The following RAB38 variants were observed in gnomAD, a reference collection of about 807,000 sequenced individuals.
RAB38 encodes ras-related protein Rab-38.
Under a neutral mutation model 18.4 loss-of-function variants are expected in RAB38, and 15 were observed. The observed-to-expected ratio is 0.82, with a 90% CI of 0.55 to 1.26. The LOEUF is 1.26. Among genes scored for constraint, RAB38 ranks in the 50% most tolerant of loss-of-function variants. RAB38 has a pLI of 0.00. For synonymous variants in RAB38, 101 were observed against 104.4 expected, an observed-to-expected ratio of 0.97 and a Z score of 0.20; for missense variants, 294 against 267.4, an observed-to-expected ratio of 1.10 and a Z score of -0.69.
chr11:87,935,065 C>G, the RAB38 span, among the ~76,000 whole-genome samples: 2 of 152,062 alleles, frequency 1.3e-5, no homozygotes, highest in African/African-American at 4.8e-5. Context: ...TCTCTCCTCC[C>G]TTCTTCTTGT....
At chr11:87,915,470 C>T in the RAB38 span, among the ~76,000 whole-genome samples, 7 of 152,056 alleles carry the variant, frequency 4.6e-5, no homozygotes, top group Non-Finnish European at 8.8e-5. Context: ...AATTGTAATC[C>T]ATTAGCATGC....
At chr11:88,113,103 T>G (rs1045772383), downstream of RAB38, 8 of 152,236 alleles carry the variant, frequency 5.3e-5, no homozygotes, top group African/African-American at 1.9e-4. Flanking sequence ...CCAGTTTTAA[T>G]AGTGTCCAGC....
At chr11:87,955,405 A>G in the RAB38 span, among the ~76,000 whole-genome samples, 2 of 152,162 alleles carry the variant, frequency 1.3e-5, no homozygotes, top group African/African-American at 4.8e-5. Flanking sequence ...GTTAGGTACC[A>G]TGCTCACTAC....
At chr11:88,174,787 G>A (rs1318292688) in intron 1 of RAB38, among the ~76,000 whole-genome samples, 1 of 152,224 alleles carries the variant, frequency 6.6e-6, no homozygotes, top group Non-Finnish European at 1.5e-5. Flanking sequence ...CCAGCCTAGG[G>A]GCTTCCCCTC....
At chr11:88,020,904 A>C in the RAB38 span, among the ~76,000 whole-genome samples, 1 of 152,148 alleles carries the variant, frequency 6.6e-6, no homozygotes, top group Non-Finnish European at 1.5e-5. Flanking sequence ...GAAACAAATG[A>C]TAATGAAAAC....
chr11:87,947,671 T>G, the RAB38 span, among the ~76,000 whole-genome samples: 1 of 152,228 alleles, frequency 6.6e-6, no homozygotes, highest in East Asian at 1.9e-4. Context: ...CATGTTTTTG[T>G]CACGTTTGTC....
the RAB38 span, among the ~76,000 whole-genome samples, chr11:87,887,293 C>T: frequency 6.6e-6 from 1 of 151,672 alleles, no homozygotes; most frequent in South Asian, 2.1e-4. Flanking sequence ...AAAGGCTAGA[C>T]GTCTTTAGCA....
chr11:88,169,447 A>G (rs1218083657), intron 1 of RAB38, among the ~76,000 whole-genome samples: 1 of 152,222 alleles, frequency 6.6e-6, no homozygotes, highest in African/African-American at 2.4e-5. Context: ...TGTTATGCAC[A>G]TGTTCACAGG....
intron 1 of RAB38, among the ~76,000 whole-genome samples, chr11:88,151,851 G>A (rs973698359): frequency 2.6e-5 from 4 of 152,264 alleles, no homozygotes; most frequent in Middle Eastern, 3.4e-3. Flanking sequence ...CAGTGTGTGA[G>A]CCTGTGTGCA....
chr11:87,827,899 AC>A, the RAB38 span, among the ~76,000 whole-genome samples: 1 of 152,200 alleles, frequency 6.6e-6, no homozygotes, highest in Non-Finnish European at 1.5e-5. Context: ...AAGATTAAAA[AC>A]TGACAGCTTC....
the RAB38 span, among the ~76,000 whole-genome samples, chr11:87,941,214 GATAT>G: frequency 3.9e-3 from 245 of 62,556 alleles, 8 homozygotes; most frequent in African/African-American, 0.012. Context: ...AAATATATGA[GATAT>G]ATATATATAT....
At chr11:88,026,359 C>A in the RAB38 span, among the ~76,000 whole-genome samples, 2 of 151,168 alleles carry the variant, frequency 1.3e-5, no homozygotes, top group Non-Finnish European at 2.9e-5. Context: ...GTCAGGAGAT[C>A]GAGACCATCC....
rs547225597 is a variant in RAB38, at chr11:88,154,980, C to G, written c.203-5025G>C. Among the ~76,000 whole-genome samples the G allele has an allele frequency of 5.9e-5, 9 of 152,374 alleles. No homozygotes were observed. In the South Asian group the frequency reaches 1.9e-3, roughly 32 times the overall value. ...GCGGTGCAAGGATAGCCTCTCTGCT[C>G]TACATCCAGGCAGCTCTCTAGGCAT... On this transcript the variant is annotated intron_variant, in intron 1 of 2. Transcript: ENST00000243662.
At chr11:87,851,285 G>T in the RAB38 span, among the ~76,000 whole-genome samples, 1 of 152,130 alleles carries the variant, frequency 6.6e-6, no homozygotes, top group African/African-American at 2.4e-5. Flanking sequence ...AGCTGTGTCT[G>T]GTTCACTTCA....
chr11:87,851,218 A>G, the RAB38 span, among the ~76,000 whole-genome samples: 1 of 152,150 alleles, frequency 6.6e-6, no homozygotes, highest in Non-Finnish European at 1.5e-5. Context: ...CATTTATTTG[A>G]TAGCCTTTCT....
chr11:88,077,028 G>GAAAAGA, the RAB38 span, among the ~76,000 whole-genome samples: 2,529 of 92,492 alleles, frequency 0.027, 73 homozygotes, highest in South Asian at 0.048. Flanking sequence ...GAAAAGAAAA[G>GAAAAGA]AAAGAAAGCA....
the RAB38 span, among the ~76,000 whole-genome samples, chr11:88,101,905 T>C: frequency 6.6e-6 from 1 of 151,890 alleles, no homozygotes; most frequent in Non-Finnish European, 1.5e-5. Flanking sequence ...ATACACTGAA[T>C]ATTAATTGTA....
chr11:87,829,126 C>T, the RAB38 span, among the ~76,000 whole-genome samples: 1 of 152,156 alleles, frequency 6.6e-6, no homozygotes, highest in Non-Finnish European at 1.5e-5. Context: ...TTTTAGAACA[C>T]TCCTGCAAAG....
At chr11:87,923,184 T>A in the RAB38 span, among the ~76,000 whole-genome samples, 1 of 151,772 alleles carries the variant, frequency 6.6e-6, no homozygotes, top group Non-Finnish European at 1.5e-5. Flanking sequence ...TGCGTTGGGG[T>A]GGTTGAAGTA....
Sources: gnomAD v4.1 joint callset for allele counts (sites outside exome capture counted in the v4.1 genomes callset) on GRCh38, gnomAD v4.1.1 for gene constraint, MANE v1.5 for transcripts, NCBI Gene and HGNC (gene_info 2026-07-23, HGNC 2026-07-21) for gene names.